Variants in IFIH1 observed in about 807,000 individuals in gnomAD.
IFIH1 encodes the protein interferon induced with helicase C domain 1.
IFIH1 carries 125 observed loss-of-function variants against 107.4 expected under a neutral mutation model. The observed-to-expected ratio is 1.16, with a 90% confidence interval of 1.01 to 1.35. The LOEUF is 1.35. Among genes scored for constraint, IFIH1 ranks in the 40% most tolerant of loss-of-function variants. IFIH1 has a pLI of 0.00. For synonymous variants in IFIH1, 458 were observed against 413.2 expected, an observed-to-expected ratio of 1.11 and a Z score of -1.31; for missense variants, 1,333 against 1,213.7, an observed-to-expected ratio of 1.10 and a Z score of -1.46.
At chr2:162,275,368 A>T (rs1483887967) in intron 11 of IFIH1, among the ~76,000 whole-genome samples, 2 of 152,214 alleles carry the variant, frequency 1.3e-5, no homozygotes. Context: ...TAGAAATTTA[A>T]AAACAGAACT....
At chr2:162,317,054 T>C (rs1576242244) in intron 1 of IFIH1, among the ~76,000 whole-genome samples, 1 of 149,102 alleles carries the variant, frequency 6.7e-6, no homozygotes, top group South Asian at 2.2e-4. Flanking sequence ...TGTGTGTGAT[T>C]GCAATTTACC....
chr2:162,298,833 T>A (rs1384341326), intron 3 of IFIH1, among the ~76,000 whole-genome samples: 2 of 151,742 alleles, frequency 1.3e-5, no homozygotes, highest in Non-Finnish European at 2.9e-5. Context: ...TCTGTCAGAT[T>A]TTCCTCTCCG....
Position 162,294,048 on chromosome 2 carries a change from T to C in IFIH1, c.770-380A>G, listed in dbSNP as rs545189307. ...TAATACATAGAAACCTTTGAGGTCTTTTCATTTAAAATGATAGGGAATTAA... is the reference window on the plus strand; with the variant it reads ...TAATACATAGAAACCTTTGAGGTCTCTTCATTTAAAATGATAGGGAATTAA... On this transcript the variant is annotated intron_variant, in intron 3 of 15. Coordinates refer to ENST00000649979, the MANE Select transcript of IFIH1 (RefSeq NM_022168.4). Among the ~76,000 whole-genome samples the C allele has an allele frequency of 7.2e-5, 11 of 152,058 alleles. 1 individual carries two copies. The South Asian group carries it at 1.9e-3, about 26-fold the overall frequency.
chr2:162,288,206 T>C lies in IFIH1; in HGVS notation c.1024A>G (p.Ile342Val). 6.2e-7 allele frequency: 1 copy of C among 1,612,840 alleles called. No individual in the cohort carries two copies. The highest frequency in any genetic ancestry group is 1.3e-5 in the African/African-American group (1 of 74,914). The change falls in exon 5 of 16, where the codon ATT becomes GTT. Residue 342 changes from isoleucine (I) to valine (V), a missense_variant. Coordinates refer to ENST00000649979, the MANE Select transcript of IFIH1 (RefSeq NM_022168.4). ...TTCTTGTCTAAGTGATCCTTGGCAATGTAAACAGCCACTCTGGTTTTTCCA... is the reference window on the plus strand; with the variant it reads ...TTCTTGTCTAAGTGATCCTTGGCAACGTAAACAGCCACTCTGGTTTTTCCA... ...GSGKTRVAVY[I>V]AKDHLDKKKK...
chr2:162,287,435 C>CAA (rs1682913820), intron 5 of IFIH1, among the ~76,000 whole-genome samples: 1 of 151,688 alleles, frequency 6.6e-6, no homozygotes, highest in South Asian at 2.1e-4. Context: ...GAATAAAGCT[C>CAA]AAATGACTAG....
At position 162,282,354 on chromosome 2, in the gene IFIH1, A is replaced by C. The variant is rs1682825839; in HGVS notation, c.1306+12T>G. On this transcript the variant is annotated intron_variant, in intron 6 of 15. Transcript: ENST00000649979. Reference sequence around the variant, plus strand: ...TATTAATTTTTTTAAAAAAATAAACACTTAAACTGACCTGACAATTGAACA... The same window carrying C: ...TATTAATTTTTTTAAAAAAATAAACCCTTAAACTGACCTGACAATTGAACA... 2.5e-6 allele frequency: 4 copies of C among 1,572,496 alleles called. No individual in the cohort carries two copies. The South Asian group carries it at 3.4e-5, about 14-fold the overall frequency.
chr2:162,274,413 C>T (rs1691110827), intron 11 of IFIH1, among the ~76,000 whole-genome samples: 1 of 152,046 alleles, frequency 6.6e-6, no homozygotes, highest in African/African-American at 2.4e-5. Flanking sequence ...CATTTGGTCA[C>T]TTTAAGAATC....
chr2:162,315,145 C>G (rs1303732283), intron 1 of IFIH1, among the ~76,000 whole-genome samples: 1 of 152,172 alleles, frequency 6.6e-6, no homozygotes, highest in East Asian at 1.9e-4. Flanking sequence ...GTCTTGATTA[C>G]TTAGTTAAAT....
chr2:162,305,144 T>G (rs1482656417), intron 3 of IFIH1, among the ~76,000 whole-genome samples: 1 of 152,208 alleles, frequency 6.6e-6, no homozygotes, highest in Non-Finnish European at 1.5e-5. Flanking sequence ...CATTCAGGTA[T>G]GTAAAAAGCC....
chr2:162,274,089 C>T lies in IFIH1; in HGVS notation c.2305-145G>A, dbSNP rs1326306944. 1.1e-5 allele frequency: 6 copies of T among 565,784 alleles called. No homozygotes were observed. The African/African-American group carries it at 1.2e-4, about 11-fold the overall frequency. 35.0% of individuals were successfully genotyped at this position (565,784 alleles called of 1,614,324 possible). Reference sequence around the variant, plus strand: ...TGGATTTGTTGCCATCTGTTTTTGGCATTGAACAAAGACATAATGGTGAGA... The same window carrying T: ...TGGATTTGTTGCCATCTGTTTTTGGTATTGAACAAAGACATAATGGTGAGA... On this transcript the variant is annotated intron_variant, in intron 11 of 15. Transcript: ENST00000649979.
At chr2:162,300,179 C>T (rs1443346442) in intron 3 of IFIH1, among the ~76,000 whole-genome samples, 2 of 152,150 alleles carry the variant, frequency 1.3e-5, no homozygotes, top group Non-Finnish European at 2.9e-5. Flanking sequence ...TTCCTCAGTG[C>T]TTGGTTCTCT....
chr2:162,307,277 G>T (rs573995982), intron 2 of IFIH1: 1 of 153,018 alleles, frequency 6.5e-6, no homozygotes. Flanking sequence ...CTGTCTGACC[G>T]TCATGTTTAG....
At position 162,312,678 on chromosome 2, in the gene IFIH1, T is replaced by A. The variant is rs564439858; in HGVS notation, c.454-1745A>T. On this transcript the variant is annotated intron_variant, in intron 1 of 15. Coordinates refer to ENST00000649979, the MANE Select transcript of IFIH1 (RefSeq NM_022168.4). ...CAGATTTTTGCTCATTTTTTACCATTTTTTTCTAGCTCTCTTAGTCTCCTA... is the reference window on the plus strand; with the variant it reads ...CAGATTTTTGCTCATTTTTTACCATATTTTTCTAGCTCTCTTAGTCTCCTA... 2.0e-5 allele frequency among the ~76,000 whole-genome samples: 3 copies of A among 152,314 alleles called. No homozygotes were observed. In the South Asian group the frequency reaches 6.2e-4, roughly 32 times the overall value.
At chr2:162,280,251 A>G (rs1682782833) in intron 7 of IFIH1, 139 bp from the exon 8 acceptor site, 1 of 609,402 alleles carries the variant, frequency 1.6e-6, no homozygotes, top group Non-Finnish European at 2.9e-6. Flanking sequence ...CATGAAAGTA[A>G]TATGTAGCAT....
chr2:162,279,965 A>G lies in IFIH1; in HGVS notation c.1641+31T>C, dbSNP rs757441370. On this transcript the variant is annotated intron_variant, in intron 8 of 15. Coordinates refer to ENST00000649979, the MANE Select transcript of IFIH1 (RefSeq NM_022168.4). Reference sequence around the variant, plus strand: ...TCTTTCTACTGAATGTAGTATTGTCAATCAATAGATATAAAACATTAAGCC... The same window carrying G: ...TCTTTCTACTGAATGTAGTATTGTCGATCAATAGATATAAAACATTAAGCC... The G allele has an allele frequency of 1.8e-5, 20 of 1,096,232 alleles. 1 individual carries two copies. Among genetic ancestry groups the G allele is most frequent in the South Asian group, 1.4e-4 (11 of 80,182 alleles). The allele number at this position is 1,096,232 out of a possible 1,614,324, so 67.9% of individuals were successfully genotyped here.
At chr2:162,307,717 C>T (rs1417499376) in intron 2 of IFIH1, among the ~76,000 whole-genome samples, 1 of 152,098 alleles carries the variant, frequency 6.6e-6, no homozygotes, top group Non-Finnish European at 1.5e-5. Context: ...TGAAAATGTG[C>T]CCCACTTTGT....
rs189697410 is a variant in IFIH1 at position 162,305,178 on chromosome 2, T to G, written c.769+1531A>C. Among the ~76,000 whole-genome samples, 662 of 152,342 alleles carry G rather than the reference T, an allele frequency of 4.3e-3. 7 individuals carry two copies. Among genetic ancestry groups the G allele is most frequent in the African/African-American group, 0.015 (628 of 41,566 alleles). ...CCCAGAAGCACACATACCCAAATGT[T>G]AAGTGTAATATCCACATTCTGGGAA... On this transcript the variant is annotated intron_variant, in intron 3 of 15. Transcript: ENST00000649979.
chr2:162,272,733 G>C lies in IFIH1; in HGVS notation c.2455-346C>G, dbSNP rs532096018. Among the ~76,000 whole-genome samples, 11 of 152,176 alleles carry C rather than the reference G, an allele frequency of 7.2e-5. 1 individual carries two copies. The South Asian group carries it at 2.3e-3, about 32-fold the overall frequency. ...CTTGGACTGAGGAGTCGTCTTTCTT[G>C]GTAGGAAGCTGGGAGGAATGAATGG... On this transcript the variant is annotated intron_variant, in intron 12 of 15. Coordinates refer to ENST00000649979, the MANE Select transcript of IFIH1 (RefSeq NM_022168.4).
chr2:162,314,548 C>A (rs921804136), intron 1 of IFIH1, among the ~76,000 whole-genome samples: 18 of 147,456 alleles, frequency 1.2e-4, no homozygotes, highest in African/African-American at 4.2e-4. Context: ...AGTGCAGTGG[C>A]GCCATCTCAG....
Sources: allele counts gnomAD v4.1 joint callset (sites outside exome capture counted in the v4.1 genomes callset), GRCh38; gene constraint gnomAD v4.1.1; transcripts MANE v1.5; gene names NCBI Gene and HGNC (gene_info 2026-07-23, HGNC 2026-07-21).